The following ABCA8 variants were observed in gnomAD, a reference collection of about 807,000 sequenced individuals.
The protein encoded by ABCA8 is ABC-type organic anion transporter ABCA8.
In ABCA8, 177 loss-of-function variants were observed where a neutral mutation model predicts 192.3. The observed-to-expected ratio is 0.92, with a 90% confidence interval of 0.81 to 1.04. ABCA8 has a LOEUF of 1.04. Ranked by LOEUF, ABCA8 falls within the 50% of genes least tolerant of loss-of-function variation. The pLI is 0.00. For missense variants in ABCA8, 1,915 were observed against 1,904.8 expected, an observed-to-expected ratio of 1.01 and a Z score of -0.10; for synonymous variants, 642 against 690.2, an observed-to-expected ratio of 0.93 and a Z score of 1.09.
At chr17:68,901,757 G>GA (rs978416262) in intron 21 of ABCA8, among the ~76,000 whole-genome samples, 2 of 146,122 alleles carry the variant, frequency 1.4e-5, no homozygotes, top group African/African-American at 5.1e-5. Flanking sequence ...GCAGTGAGCC[G>GA]AAATTGTGCC....
intron 17 of ABCA8, among the ~76,000 whole-genome samples, chr17:68,915,652 A>G (rs2067337022): frequency 6.6e-6 from 1 of 152,184 alleles, no homozygotes. Context: ...TGTGGAGAAA[A>G]GGGAATCATC....
chr17:68,951,528 T>C (rs561066545), intron 1 of ABCA8, among the ~76,000 whole-genome samples: 2 of 152,362 alleles, frequency 1.3e-5, no homozygotes, highest in African/African-American at 2.4e-5. Flanking sequence ...TCTAATGTTA[T>C]ATTTCCTAGA....
chr17:68,944,316 T>TAATA lies in ABCA8; in HGVS notation c.-5-2278_-5-2277insTATT, dbSNP rs1226746677. Among the ~76,000 whole-genome samples the TAATA allele has an allele frequency of 8.8e-3, 256 of 29,176 alleles. 16 individuals carry two copies. The highest frequency in any genetic ancestry group is 0.011 in the African/African-American group (81 of 7,082). The allele number at this position is 29,176 out of a possible 152,430, so 19.1% of individuals were successfully genotyped here. A position where few individuals can be genotyped will look rare whatever the true frequency, so the allele number is the denominator to read the frequency against. On this transcript the variant is annotated intron_variant, in intron 2 of 39. Coordinates refer to ENST00000586539, the MANE Select transcript of ABCA8 (RefSeq NM_001288985.2). ...AGCACATGTAGCCCAGAACTTAAAG[T>TAATA]TATATATATATATATATATATATAT...
chr17:68,908,683 G>A (rs2067156068), intron 17 of ABCA8, among the ~76,000 whole-genome samples: 1 of 152,140 alleles, frequency 6.6e-6, no homozygotes, highest in Non-Finnish European at 1.5e-5. Context: ...AAATACCACA[G>A]CTATTTCTCC....
At chr17:68,879,780 C>T (rs1267116675) in intron 32 of ABCA8, 2 of 152,428 alleles carry the variant, frequency 1.3e-5, no homozygotes. Flanking sequence ...TGTACGTGCC[C>T]AGGGTGGAAC....
intron 4 of ABCA8, 130 bp downstream of exon 4, chr17:68,940,628 C>T: frequency 3.9e-6 from 3 of 777,710 alleles, no homozygotes; most frequent in African/African-American, 1.8e-5. Flanking sequence ...AAAGGGAAGA[C>T]ACATTCCCAA....
At chr17:68,910,965 G>A (rs1434814973) in intron 17 of ABCA8, among the ~76,000 whole-genome samples, 26 of 152,170 alleles carry the variant, frequency 1.7e-4, no homozygotes, top group Admixed American at 1.7e-3. Flanking sequence ...ACAGGCCTTG[G>A]GTGAGGCCCA....
chr17:68,929,000 G>A (rs770007098), intron 9 of ABCA8, 49 bp downstream of exon 9: 1 of 1,345,728 alleles, frequency 7.4e-7, no homozygotes, highest in South Asian at 2.4e-5. Context: ...ATTCCAGAGG[G>A]ACAGATGTTT....
At chr17:68,889,110 T>G (rs1567831949) in intron 24 of ABCA8, among the ~76,000 whole-genome samples, 2 of 152,332 alleles carry the variant, frequency 1.3e-5, no homozygotes, top group East Asian at 3.9e-4. Flanking sequence ...TGGAATTTCT[T>G]GAGATTCCTG....
chr17:68,941,861 A>G, intron 3 of ABCA8, 78 bp downstream of exon 3: 1 of 981,166 alleles, frequency 1.0e-6, no homozygotes, highest in Non-Finnish European at 1.6e-6. Context: ...CGGGGGAGAT[A>G]CACATGGCAT....
intron 21 of ABCA8, among the ~76,000 whole-genome samples, chr17:68,898,791 A>G (rs2143450122): frequency 6.6e-6 from 1 of 152,204 alleles, no homozygotes; most frequent in East Asian, 1.9e-4. Flanking sequence ...AGAAATGGTA[A>G]ATAAAAATTT....
At chr17:68,923,161 C>T (rs1424340711) in intron 11 of ABCA8, among the ~76,000 whole-genome samples, 3 of 151,360 alleles carry the variant, frequency 2.0e-5, no homozygotes, top group Admixed American at 6.6e-5. Context: ...AATATTCAGT[C>T]TCTATTCATA....
chr17:68,892,216 T>C (rs956127671), intron 23 of ABCA8, among the ~76,000 whole-genome samples: 4 of 152,180 alleles, frequency 2.6e-5, no homozygotes, highest in African/African-American at 9.7e-5. Flanking sequence ...CATAGTTGCT[T>C]CTTTGATTAA....
At chr17:68,941,753 A>G (rs149733998) in intron 3 of ABCA8, among the ~76,000 whole-genome samples, 186 bp downstream of exon 3, 58 of 152,282 alleles carry the variant, frequency 3.8e-4, no homozygotes, top group African/African-American at 1.3e-3. Context: ...TTATGAGCCC[A>G]TGTCAACTGA....
At chr17:68,933,327 T>TC in intron 5 of ABCA8, 56 bp from the exon 6 acceptor site, 1 of 1,187,392 alleles carries the variant, frequency 8.4e-7, no homozygotes, top group Non-Finnish European at 1.2e-6. Flanking sequence ...ATTATTGAAA[T>TC]ATGATTTTAA....
At position 68,887,515 on chromosome 17, in the gene ABCA8, GA is replaced by G. The variant is rs1567829889; in HGVS notation, c.3145-10del. 6.3e-7 allele frequency: 1 copy of G among 1,586,296 alleles called. No homozygotes were observed. ...TGGGACCGAGCTCTGTTCTAATTAG[GA>G]GACAGCAAAGATACAAAGTTTGTGG... On this transcript the variant is annotated splice_polypyrimidine_tract_variant and intron_variant, in intron 24 of 39. Transcript: ENST00000586539.
intron 19 of ABCA8, among the ~76,000 whole-genome samples, chr17:68,905,670 T>C (rs1220983395): frequency 6.6e-6 from 1 of 152,148 alleles, no homozygotes; most frequent in African/African-American, 2.4e-5. Flanking sequence ...GTACAATATG[T>C]CTAATTAAGA....
chr17:68,902,954 T>C (rs2066951829), intron 20 of ABCA8, 75 bp from the exon 21 acceptor site: 3 of 1,248,916 alleles, frequency 2.4e-6, no homozygotes, highest in South Asian at 1.5e-5. Context: ...GTTTATAATG[T>C]AATGGGATAA....
chr17:68,894,111 A>C (rs768209455), intron 23 of ABCA8, 62 bp downstream of exon 23: 1 of 1,558,054 alleles, frequency 6.4e-7, no homozygotes. Flanking sequence ...AGCACTTAAA[A>C]GGGTGATCTG....
Sources: gnomAD v4.1 joint callset for allele counts (sites outside exome capture counted in the v4.1 genomes callset) on GRCh38, gnomAD v4.1.1 for gene constraint, MANE v1.5 for transcripts, NCBI Gene and HGNC (gene_info 2026-07-23, HGNC 2026-07-21) for gene names.